Variants in FOXP2 observed in about 807,000 individuals in gnomAD.
FOXP2 encodes forkhead box P2, also known as forkhead box protein P2.
A neutral mutation model predicts 115.8 loss-of-function variants in FOXP2; 12 were observed. The ratio of observed to expected loss-of-function variants is 0.10; its 90% CI spans 0.07 to 0.17. FOXP2 has a LOEUF of 0.17. FOXP2 is among the 10% of genes least tolerant of loss of function. The pLI is 1.00. For synonymous variants in FOXP2, 328 were observed against 297.7 expected (o/e 1.10, Z -1.05); for missense variants, 629 against 843.5 (o/e 0.75, Z 3.15).
intron 1 of FOXP2, among the ~76,000 whole-genome samples, chr7:114,281,391 G>A (rs1392021921): frequency 1.3e-5 from 2 of 151,962 alleles, no homozygotes; most frequent in African/African-American, 2.4e-5. Context: ...ATGAGCCACC[G>A]TGCCTGGCCT....
chr7:114,201,149 T>C (rs1284750300), intron 1 of FOXP2, among the ~76,000 whole-genome samples: 1 of 151,672 alleles, frequency 6.6e-6, no homozygotes, highest in African/African-American at 2.4e-5. Context: ...AGAGAGAAAC[T>C]CCATCTCAAA....
At chr7:114,463,221 G>C (rs891208163) in intron 2 of FOXP2, 4 of 227,380 alleles carry the variant, frequency 1.8e-5, no homozygotes, top group Non-Finnish European at 3.7e-5. Context: ...ATATCCACCT[G>C]TTAAATCAAT....
chr7:114,528,461 A>G (rs1480525408), intron 2 of FOXP2, among the ~76,000 whole-genome samples: 1 of 152,050 alleles, frequency 6.6e-6, no homozygotes, highest in Non-Finnish European at 1.5e-5. Context: ...CTATCTCCAC[A>G]AGTGTGCAGT....
At chr7:114,683,198 A>C (rs1585025526) in intron 16 of FOXP2, among the ~76,000 whole-genome samples, 2 of 152,288 alleles carry the variant, frequency 1.3e-5, no homozygotes, top group East Asian at 1.9e-4. Flanking sequence ...TAGTACAATG[A>C]AACTCTTAAT....
At chr7:114,587,063 T>C (rs113424460) in intron 3 of FOXP2, among the ~76,000 whole-genome samples, 1 of 127,354 alleles carries the variant, frequency 7.9e-6, no homozygotes, top group Non-Finnish European at 1.8e-5. Context: ...CTATTTCTTT[T>C]TTTTTTTTAA....
intron 2 of FOXP2, among the ~76,000 whole-genome samples, chr7:114,398,128 T>C (rs979937808): frequency 3.3e-5 from 5 of 152,072 alleles, no homozygotes; most frequent in Non-Finnish European, 7.4e-5. Context: ...TAAAAGAAAG[T>C]AGTCTAAACT....
At chr7:114,133,033 A>T (rs1791933470) in intron 1 of FOXP2, among the ~76,000 whole-genome samples, 1 of 152,240 alleles carries the variant, frequency 6.6e-6, no homozygotes, top group African/African-American at 2.4e-5. Context: ...GTTAGGATTT[A>T]TTGCAAGAAT....
chr7:114,640,316 GA>G (rs993707803), intron 6 of FOXP2, among the ~76,000 whole-genome samples: 12 of 151,416 alleles, frequency 7.9e-5, no homozygotes, highest in African/African-American at 2.7e-4. Flanking sequence ...TTTTTTTATG[GA>G]AAAAAAATGG....
upstream of FOXP2, among the ~76,000 whole-genome samples, chr7:114,413,768 A>T (rs534040961): frequency 6.6e-6 from 1 of 152,278 alleles, no homozygotes; most frequent in East Asian, 1.9e-4. Flanking sequence ...TAAATGTGCA[A>T]CAAAAGTAGT....
At chr7:114,436,732 G>A (rs1178208711) in intron 2 of FOXP2, among the ~76,000 whole-genome samples, 1 of 151,800 alleles carries the variant, frequency 6.6e-6, no homozygotes, top group Non-Finnish European at 1.5e-5. Flanking sequence ...TGCTTCAAAG[G>A]ATATATAAAC....
At chr7:114,256,442 T>A (rs1795615674) in intron 1 of FOXP2, among the ~76,000 whole-genome samples, 2 of 152,196 alleles carry the variant, frequency 1.3e-5, no homozygotes, top group Admixed American at 1.3e-4. Flanking sequence ...TTTGCATTTC[T>A]CTAATGACCA....
intron 2 of FOXP2, among the ~76,000 whole-genome samples, chr7:114,293,102 C>T (rs928182360): frequency 6.6e-6 from 1 of 152,122 alleles, no homozygotes; most frequent in African/African-American, 2.4e-5. Context: ...TAAGATGGTC[C>T]CCATTTTCTG....
rs1808774507 is a variant in FOXP2 at position 114,693,300 on chromosome 7, G to A, written c.*3374G>A. 2.2e-6 allele frequency: 1 copy of A among 452,180 alleles called. No homozygotes were observed. Among genetic ancestry groups the A allele is most frequent in the Non-Finnish European group, 4.4e-6 (1 of 225,928 alleles). The allele number at this position is 452,180 out of a possible 1,614,324, so 28.0% of individuals were successfully genotyped here. On this transcript the variant is annotated 3_prime_UTR_variant, in exon 17 of 17. Transcript: ENST00000350908. ...ATAAGAATGCATTTCTTTGTGATTAGGGAATCGAAGAATAGTCAGCTAGGA... is the reference window on the plus strand; with the variant it reads ...ATAAGAATGCATTTCTTTGTGATTAAGGAATCGAAGAATAGTCAGCTAGGA...
intron 1 of FOXP2, among the ~76,000 whole-genome samples, chr7:114,235,429 A>G (rs960012843): frequency 3.3e-5 from 5 of 152,238 alleles, no homozygotes; most frequent in Admixed American, 2.6e-4. Flanking sequence ...CACTTGTGAA[A>G]TACCCCTTGA....
chr7:114,417,573 G>C (rs1260751708), intron 1 of FOXP2, among the ~76,000 whole-genome samples: 1 of 151,828 alleles, frequency 6.6e-6, no homozygotes, highest in Admixed American at 6.6e-5. Context: ...AATCTCATTT[G>C]CATATGCTTA....
chr7:114,558,297 T>A (rs1033087796), intron 3 of FOXP2, among the ~76,000 whole-genome samples: 1 of 152,246 alleles, frequency 6.6e-6, no homozygotes, highest in African/African-American at 2.4e-5. Flanking sequence ...GTATCTTGTC[T>A]CATTCTGCAT....
At chr7:114,551,381 A>G (rs1379631209) in intron 3 of FOXP2, among the ~76,000 whole-genome samples, 1 of 151,984 alleles carries the variant, frequency 6.6e-6, no homozygotes, top group Non-Finnish European at 1.5e-5. Flanking sequence ...TTTAAACAAA[A>G]CTCGTGGTTT....
chr7:114,310,776 A>T (rs1389220491), intron 2 of FOXP2, among the ~76,000 whole-genome samples: 1 of 152,106 alleles, frequency 6.6e-6, no homozygotes, highest in African/African-American at 2.4e-5. Flanking sequence ...ATTGCTGAAT[A>T]GGAGAATTTC....
intron 3 of FOXP2, among the ~76,000 whole-genome samples, chr7:114,558,736 C>A (rs937697129): frequency 1.3e-5 from 2 of 152,118 alleles, no homozygotes; most frequent in Admixed American, 6.6e-5. Context: ...CCTGTAAGAA[C>A]CCTTTCTCTA....
Sources: allele counts gnomAD v4.1 joint callset (sites outside exome capture counted in the v4.1 genomes callset), GRCh38; gene constraint gnomAD v4.1.1; transcripts MANE v1.5; gene names NCBI Gene and HGNC (gene_info 2026-07-23, HGNC 2026-07-21).